The following EPB41L4B variants were observed in gnomAD, a reference collection of about 807,000 sequenced individuals.
EPB41L4B encodes band 4.1-like protein 4B.
EPB41L4B carries 30 observed loss-of-function variants against 112.5 expected under a neutral mutation model. The observed-to-expected ratio is 0.27, with a 90% CI of 0.20 to 0.36. EPB41L4B has a LOEUF of 0.36. Among genes scored for constraint, EPB41L4B ranks in the 10% least tolerant of loss-of-function variants. EPB41L4B has a pLI of 1.00. For missense variants in EPB41L4B, 1,024 were observed against 1,133.3 expected (o/e 0.90, Z 1.38); for synonymous variants, 408 against 439.7 (o/e 0.93, Z 0.90).
intron 1 of EPB41L4B, among the ~76,000 whole-genome samples, chr9:109,296,914 C>T (rs1836752377): frequency 6.6e-6 from 1 of 150,848 alleles, no homozygotes; most frequent in South Asian, 2.1e-4. Context: ...CTCATGATGG[C>T]TAAGAGACAG....
intron 1 of EPB41L4B, among the ~76,000 whole-genome samples, chr9:109,285,765 G>A (rs1836250734): frequency 6.6e-6 from 1 of 151,982 alleles, no homozygotes; most frequent in Non-Finnish European, 1.5e-5. Context: ...TGCCTGCACC[G>A]CCAGCCTGGA....
At chr9:109,245,044 T>C (rs1834499807) in intron 14 of EPB41L4B, among the ~76,000 whole-genome samples, 1 of 152,164 alleles carries the variant, frequency 6.6e-6, no homozygotes. Context: ...CGGAAGGACA[T>C]GCTGCAGGAA....
chr9:109,182,542 T>C (rs1240948008), intron 24 of EPB41L4B, among the ~76,000 whole-genome samples, 187 bp downstream of exon 24: 2 of 152,238 alleles, frequency 1.3e-5, no homozygotes, highest in African/African-American at 4.8e-5. Flanking sequence ...TTTAAAATGG[T>C]TAATTTTATG....
chr9:109,216,407 G>A (rs912187964), intron 16 of EPB41L4B, among the ~76,000 whole-genome samples: 16 of 152,184 alleles, frequency 1.1e-4, no homozygotes, highest in African/African-American at 1.4e-4. Flanking sequence ...TTGGGAGGCC[G>A]AGATGTGTGG....
rs118117335 is a variant in EPB41L4B, at chr9:109,278,351, A to G, written c.411+1466T>C. ...CTGAGGTTGAGGGACACATCTGCAC[A>G]GGGACATCCAGTGGGAGTGTCCACC... On this transcript the variant is annotated intron_variant, in intron 2 of 25. Coordinates refer to ENST00000374566, the MANE Select transcript of EPB41L4B (RefSeq NM_019114.5). Among the ~76,000 whole-genome samples the G allele has an allele frequency of 1.9e-3, 285 of 152,298 alleles. 7 individuals carry two copies. In the East Asian group the frequency reaches 0.049, roughly 26 times the overall value.
At chr9:109,188,383 AG>A (rs1261440884) in intron 22 of EPB41L4B, among the ~76,000 whole-genome samples, 6 of 152,258 alleles carry the variant, frequency 3.9e-5, no homozygotes, top group Middle Eastern at 3.4e-3. Context: ...GGCAGGCCCC[AG>A]GACAGGGTGG....
chr9:109,279,885 C>T lies in EPB41L4B; in HGVS notation c.343G>A (p.Val115Met), dbSNP rs2119134524. 3 of 1,613,876 alleles carry T rather than the reference C, an allele frequency of 1.9e-6. No homozygotes were observed. Among genetic ancestry groups the T allele is most frequent in the South Asian group, 2.2e-5 (2 of 91,054 alleles). ...AKGQDLFDQI[V>M]YHLDLVETDY... ...GTTTCCACAAGGTCCAAGTGGTACACAATCTGATCAAACAAATCCTGGCCT... is the reference window on the plus strand; with the variant it reads ...GTTTCCACAAGGTCCAAGTGGTACATAATCTGATCAAACAAATCCTGGCCT... The change falls in exon 2 of 26, where the codon GTG becomes ATG. Residue 115 changes from valine to methionine, a missense_variant. Transcript: ENST00000374566.
rs549453314 is a variant in EPB41L4B, at chr9:109,211,223, G to A, written c.1752+2477C>T. ...TCCAAGCCAGTGGCTCCCAATTTTG[G>A]TGTCATGATCAGAAGTGAGAAGGGA... is the stretch of plus-strand genomic sequence containing the variant. On this transcript the variant is annotated intron_variant, in intron 17 of 25. Coordinates refer to ENST00000374566, the MANE Select transcript of EPB41L4B (RefSeq NM_019114.5). Among the ~76,000 whole-genome samples the A allele has an allele frequency of 3.3e-5, 5 of 152,156 alleles. No individual in the cohort carries two copies. In the East Asian group the frequency reaches 9.7e-4, roughly 29 times the overall value.
At chr9:109,269,583 G>GC (rs1260574138) in intron 2 of EPB41L4B, among the ~76,000 whole-genome samples, 1 of 152,136 alleles carries the variant, frequency 6.6e-6, no homozygotes, top group East Asian at 1.9e-4. Context: ...CACCCAGCAG[G>GC]CCCCTGTTAA....
At chr9:109,242,847 T>TAAAAAAA (rs11292845) in intron 15 of EPB41L4B, among the ~76,000 whole-genome samples, 2 of 127,148 alleles carry the variant, frequency 1.6e-5, no homozygotes, top group African/African-American at 6.0e-5. Context: ...AAGCTAGCCT[T>TAAAAAAA]AAAAAAAAAA....
chr9:109,255,396 G>T, intron 11 of EPB41L4B, 115 bp downstream of exon 11: 1 of 1,239,068 alleles, frequency 8.1e-7, no homozygotes, highest in Non-Finnish European at 1.1e-6. Flanking sequence ...GTGGGGATGG[G>T]ACACACAACC....
chr9:109,281,443 C>CT (rs1836034984), intron 1 of EPB41L4B, among the ~76,000 whole-genome samples: 1 of 152,184 alleles, frequency 6.6e-6, no homozygotes, highest in African/African-American at 2.4e-5. Flanking sequence ...TGGCTCATGC[C>CT]TGTAATCCCC....
intron 15 of EPB41L4B, among the ~76,000 whole-genome samples, chr9:109,233,430 A>C (rs1834020673): frequency 6.6e-6 from 1 of 152,262 alleles, no homozygotes; most frequent in East Asian, 1.9e-4. Flanking sequence ...ATTCAAAATC[A>C]ATTCCTTTCC....
At chr9:109,233,245 T>A (rs1450901643) in intron 15 of EPB41L4B, among the ~76,000 whole-genome samples, 3 of 152,178 alleles carry the variant, frequency 2.0e-5, no homozygotes, top group Admixed American at 6.5e-5. Flanking sequence ...CAGGTGACTC[T>A]TGGGATGTGG....
At chr9:109,298,944 C>G (rs1251488485) in intron 1 of EPB41L4B, among the ~76,000 whole-genome samples, 1 of 152,184 alleles carries the variant, frequency 6.6e-6, no homozygotes, top group Non-Finnish European at 1.5e-5. Context: ...ACTGAACCCC[C>G]CACAGTCCCT....
At chr9:109,201,188 C>T (rs796214913) in intron 19 of EPB41L4B, among the ~76,000 whole-genome samples, 46 of 152,150 alleles carry the variant, frequency 3.0e-4, no homozygotes, top group African/African-American at 9.9e-4. Context: ...CAGTGGCTCA[C>T]GCCTGTAATC....
intron 2 of EPB41L4B, among the ~76,000 whole-genome samples, chr9:109,271,902 A>G (rs956364248): frequency 2.0e-5 from 3 of 152,180 alleles, no homozygotes; most frequent in Admixed American, 1.3e-4. Flanking sequence ...ATAAATCAAG[A>G]TGTGTGAGAT....
At chr9:109,318,262 G>A (rs1393145621) in intron 1 of EPB41L4B, among the ~76,000 whole-genome samples, 1 of 152,126 alleles carries the variant, frequency 6.6e-6, no homozygotes, top group Non-Finnish European at 1.5e-5. Context: ...GAATACCTGG[G>A]ACAGGGGAAT....
intron 15 of EPB41L4B, among the ~76,000 whole-genome samples, chr9:109,225,690 C>T (rs962623633): frequency 6.6e-6 from 1 of 152,174 alleles, no homozygotes; most frequent in Non-Finnish European, 1.5e-5. Flanking sequence ...GAGCTCACTG[C>T]TACCTTGATA....
Sources: gnomAD v4.1 joint callset for allele counts (sites outside exome capture counted in the v4.1 genomes callset) on GRCh38, gnomAD v4.1.1 for gene constraint, MANE v1.5 for transcripts, NCBI Gene and HGNC (gene_info 2026-07-23, HGNC 2026-07-21) for gene names.